Variants in EMC1 observed in about 807,000 individuals in gnomAD.
EMC1 encodes the protein ER membrane protein complex subunit 1, also known as KIAA0090.
In EMC1, 103 loss-of-function variants were observed where a neutral mutation model predicts 128.8. The observed-to-expected ratio is 0.80, with a 90% CI of 0.68 to 0.94. The LOEUF (loss-of-function observed/expected upper bound fraction) is 0.94. Among genes scored for constraint, EMC1 ranks in the 40% least tolerant of loss-of-function variants. EMC1 has a pLI of 0.00. For synonymous variants in EMC1, 442 were observed against 490.4 expected (o/e 0.90, Z 1.30); for missense variants, 1,083 against 1,250.6 (o/e 0.87, Z 2.02).
At chr1:19,233,184 A>T in intron 13 of EMC1, 49 bp from the exon 14 acceptor site, 1 of 1,504,996 alleles carries the variant, frequency 6.6e-7, no homozygotes, top group Non-Finnish European at 9.1e-7. Flanking sequence ...AGGGGTCCAT[A>T]AGGAGGTACA....
chr1:19,225,863 T>C (rs760606371), intron 18 of EMC1, among the ~76,000 whole-genome samples: 47 of 151,704 alleles, frequency 3.1e-4, no homozygotes, highest in Non-Finnish European at 4.9e-4. Flanking sequence ...TAATGTTAAG[T>C]ATGTGGCAGG....
chr1:19,235,385 G>C, intron 12 of EMC1, 133 bp from the exon 13 acceptor site: 1 of 864,914 alleles, frequency 1.2e-6, no homozygotes, highest in East Asian at 2.8e-5. Context: ...CTGGACAACA[G>C]GGCAAAACCT....
In EMC1 at chr1:19,219,448, C is replaced by T. The variant is rs374448290; in HGVS notation, c.2837G>A (p.Arg946Gln). Residue 946 changes from arginine (R) to glutamine (Q), a missense_variant, in exon 23 of 23, where the codon CGA (arginine) becomes CAA (glutamine). Physicochemically the swap from Arg to Gln is conservative, Grantham distance 43 (BLOSUM62 1). This residue lies in a region of EMC1 where 527 missense variants were observed against 644.1 expected (regional missense o/e 0.82). Transcript: ENST00000477853. ...VAYGLDIYQTRVYPSKQFDVL... is the reference protein window; with the variant it reads ...VAYGLDIYQTQVYPSKQFDVL... ...GTCAAACTGCTTGGATGGGTAGACT[C>T]GAGTTTGGTAAATGTCCAAACCATA... 6.2e-6 allele frequency: 10 copies of T among 1,613,804 alleles called. No homozygotes were observed. The highest frequency in any genetic ancestry group is 2.2e-5 in the East Asian group (1 of 44,840).
chr1:19,246,257 G>A (rs2093631732), intron 1 of EMC1, among the ~76,000 whole-genome samples: 1 of 151,986 alleles, frequency 6.6e-6, no homozygotes, highest in African/African-American at 2.4e-5. Flanking sequence ...GGGCGTGGTG[G>A]CACGTGCCTG....
intron 18 of EMC1, among the ~76,000 whole-genome samples, chr1:19,226,442 C>A (rs897142879): frequency 1.1e-4 from 16 of 151,744 alleles, no homozygotes; most frequent in African/African-American, 3.4e-4. Context: ...CATAGTGAGA[C>A]CCTGTCAATA....
chr1:19,226,027 A>G lies in EMC1; in HGVS notation c.2202+1286T>C, dbSNP rs139838807. ...GGCAGAGCCAAGTCTTAACAGTCAA[A>G]CTAGAGGCTTGCACTGTGTTGCACT... On this transcript the variant is annotated intron_variant, in intron 18 of 22. Transcript: ENST00000477853. Among the ~76,000 whole-genome samples, 3 of 152,192 alleles carry G rather than the reference A, an allele frequency of 2.0e-5. No homozygotes were observed. The East Asian group carries it at 5.8e-4, about 29-fold the overall frequency.
intron 13 of EMC1, among the ~76,000 whole-genome samples, chr1:19,233,904 A>G (rs1369751147): frequency 6.6e-6 from 1 of 152,194 alleles, no homozygotes; most frequent in East Asian, 1.9e-4. Flanking sequence ...ATTACATCAT[A>G]CGATGTACAT....
Position 19,251,469 on chromosome 1 carries a change from G to A in EMC1, c.41C>T (p.Thr14Met), listed in dbSNP as rs377281530. 27 of 1,614,066 alleles carry A rather than the reference G, an allele frequency of 1.7e-5. No homozygotes were observed. Among genetic ancestry groups the A allele is most frequent in the Non-Finnish European group, 2.1e-5 (25 of 1,180,052 alleles). ...GACCGCGGCCGCAGGAATCAGCAGC[G>A]TAGCCCAAAGCCAGAAACGAGAAGC... ...EWASRFWLWA[T>M]LLIPAAAVYE... Residue 14 changes from threonine to methionine, a missense_variant, in exon 1 of 23, where the codon ACG becomes ATG. Thr to Met is a moderately conservative substitution (Grantham distance 81). Transcript: ENST00000477853.
At chr1:19,225,107 T>G (rs1005165654) in intron 18 of EMC1, among the ~76,000 whole-genome samples, 4 of 152,220 alleles carry the variant, frequency 2.6e-5, no homozygotes, top group African/African-American at 9.6e-5. Flanking sequence ...TTTTCTTTAT[T>G]ATTAGCCTCA....
chr1:19,233,631 G>A (rs1005643846), intron 13 of EMC1, among the ~76,000 whole-genome samples: 7 of 152,148 alleles, frequency 4.6e-5, no homozygotes, highest in African/African-American at 7.2e-5. Context: ...TACTTGCAAC[G>A]AGTTCCCAGG....
intron 18 of EMC1, among the ~76,000 whole-genome samples, chr1:19,223,801 G>C (rs1163738678): frequency 6.6e-6 from 1 of 152,224 alleles, no homozygotes; most frequent in Non-Finnish European, 1.5e-5. Context: ...CAGTCTTGCA[G>C]AGTAGCTATT....
chr1:19,236,039 G>T (rs964376593), intron 12 of EMC1, among the ~76,000 whole-genome samples: 2 of 151,122 alleles, frequency 1.3e-5, no homozygotes, highest in Non-Finnish European at 3.0e-5. Flanking sequence ...GTCAAAGGAG[G>T]AAAGTTCTGT....
chr1:19,241,313 T>A (rs1202967043), intron 5 of EMC1, among the ~76,000 whole-genome samples, 171 bp from the exon 6 acceptor site: 1 of 152,226 alleles, frequency 6.6e-6, no homozygotes, highest in Admixed American at 6.5e-5. Context: ...TTTGAATTAG[T>A]TGTCAACATT....
rs529555143 is a variant in EMC1 at position 19,226,844 on chromosome 1, G to A, written c.2202+469C>T. ...CCACCTCGACCTCTCAAAATGCTGG[G>A]ATTACTGGCATGAGCCACCAAGCCC... is the stretch of plus-strand genomic sequence containing the variant. On this transcript the variant is annotated intron_variant, in intron 18 of 22. Coordinates refer to ENST00000477853, the MANE Select transcript of EMC1 (RefSeq NM_015047.3). 3.4e-4 allele frequency among the ~76,000 whole-genome samples: 51 copies of A among 152,098 alleles called. 1 individual carries two copies. In the South Asian group the frequency reaches 7.7e-3, roughly 23 times the overall value.
intron 9 of EMC1, 74 bp from the exon 10 acceptor site, chr1:19,238,931 T>C (rs2093586369): frequency 9.1e-7 from 1 of 1,094,252 alleles, no homozygotes; most frequent in East Asian, 2.4e-5. Flanking sequence ...AAGCTTTTGT[T>C]TTTGTCTTCT....
At chr1:19,235,906 A>T (rs1233090829) in intron 12 of EMC1, among the ~76,000 whole-genome samples, 1 of 151,950 alleles carries the variant, frequency 6.6e-6, no homozygotes, top group Non-Finnish European at 1.5e-5. Context: ...ATAAATAAAT[A>T]AATAAACAAA....
intron 5 of EMC1, among the ~76,000 whole-genome samples, chr1:19,241,687 T>C (rs1401752811): frequency 6.6e-6 from 1 of 152,032 alleles, no homozygotes; most frequent in African/African-American, 2.4e-5. Flanking sequence ...GGCTAATTTT[T>C]TGTACTTTTT....
chr1:19,244,837 G>A lies in EMC1; in HGVS notation c.220+69C>T, dbSNP rs1035219916. The A allele has an allele frequency of 8.9e-6, 14 of 1,577,454 alleles. No homozygotes were observed. In the African/African-American group the frequency reaches 1.3e-4, roughly 15 times the overall value. On this transcript the variant is annotated intron_variant, in intron 2 of 22. Transcript: ENST00000477853. Reference sequence around the variant, plus strand: ...ATGTTCCTTATTCAGGAATCAGCCAGGCAGAGTTGGCAATGGTAAGTCTTT... The same window carrying A: ...ATGTTCCTTATTCAGGAATCAGCCAAGCAGAGTTGGCAATGGTAAGTCTTT...
intron 17 of EMC1, among the ~76,000 whole-genome samples, chr1:19,228,388 C>T (rs1206494883): frequency 1.3e-5 from 2 of 152,064 alleles, no homozygotes; most frequent in African/African-American, 2.4e-5. Flanking sequence ...CAAAACATTT[C>T]GTGTATGATT....
Sources: allele counts gnomAD v4.1 joint callset (sites outside exome capture counted in the v4.1 genomes callset), GRCh38; gene constraint gnomAD v4.1.1; regional missense constraint gnomAD v4.1.1; transcripts MANE v1.5; gene names NCBI Gene and HGNC (gene_info 2026-07-23, HGNC 2026-07-21).